MACROD2: variants seen among roughly 807,000 people sequenced by gnomAD.
MACROD2 encodes mono-ADP ribosylhydrolase 2, also known as ADP-ribose glycohydrolase MACROD2.
Under a neutral mutation model 70.4 loss-of-function variants are expected in MACROD2, and 36 were observed. The observed-to-expected ratio is 0.51, with a 90% CI of 0.39 to 0.68. The LOEUF (loss-of-function observed/expected upper bound fraction) is 0.68, where lower values mean the gene tolerates loss of function less well. Ranked by LOEUF, MACROD2 falls within the 30% of genes least tolerant of loss-of-function variation. MACROD2 has a pLI of 0.00. For synonymous variants in MACROD2, 172 were observed against 178.8 expected, an observed-to-expected ratio of 0.96 and a Z score of 0.30; for missense variants, 496 against 538.4, an observed-to-expected ratio of 0.92 and a Z score of 0.78.
intron 5 of MACROD2, among the ~76,000 whole-genome samples, chr20:14,932,467 C>G (rs964723615): frequency 6.6e-6 from 1 of 152,166 alleles, no homozygotes; most frequent in East Asian, 1.9e-4. Flanking sequence ...AGTTATCCAT[C>G]TTTCTTCTTT....
intron 6 of MACROD2, among the ~76,000 whole-genome samples, chr20:15,238,393 C>T (rs1166948731): frequency 6.6e-6 from 1 of 151,988 alleles, no homozygotes; most frequent in Non-Finnish European, 1.5e-5. Context: ...TTCAAGATCT[C>T]ATAATCCTAA....
At chr20:14,541,498 C>T (rs1358319729) in intron 4 of MACROD2, among the ~76,000 whole-genome samples, 3 of 152,092 alleles carry the variant, frequency 2.0e-5, no homozygotes, top group Non-Finnish European at 2.9e-5. Flanking sequence ...TATTTTCTAT[C>T]TTCCCTGAAC....
chr20:15,546,873 C>T (rs530998168), intron 8 of MACROD2, among the ~76,000 whole-genome samples: 1 of 152,326 alleles, frequency 6.6e-6, no homozygotes, highest in South Asian at 2.1e-4. Flanking sequence ...GGGTGCATGT[C>T]AAGCAGTGAA....
chr20:14,831,780 C>CA (rs71190151), intron 5 of MACROD2, among the ~76,000 whole-genome samples: 16,634 of 37,176 alleles, frequency 0.45, 7,063 homozygotes, highest in Non-Finnish European at 0.58. Context: ...AACTCCGTCT[C>CA]AAAAAAAAAA....
intron 7 of MACROD2, among the ~76,000 whole-genome samples, chr20:15,460,317 C>G (rs187980878): frequency 6.6e-6 from 1 of 152,264 alleles, no homozygotes; most frequent in East Asian, 1.9e-4. Flanking sequence ...ACATCCTTCA[C>G]CCTGGCAGTG....
intron 4 of MACROD2, among the ~76,000 whole-genome samples, chr20:14,515,153 C>T (rs1288444864): frequency 6.6e-6 from 1 of 152,014 alleles, no homozygotes; most frequent in African/African-American, 2.4e-5. Context: ...AAAAGAAAGT[C>T]ACTGTGTTAT....
At chr20:14,693,576 C>T (rs1380449482) in intron 5 of MACROD2, among the ~76,000 whole-genome samples, 1 of 152,150 alleles carries the variant, frequency 6.6e-6, no homozygotes, top group Non-Finnish European at 1.5e-5. Flanking sequence ...TTAACTCTCC[C>T]TGTAATTAAT....
intron 8 of MACROD2, among the ~76,000 whole-genome samples, chr20:15,600,254 G>T (rs974006122): frequency 6.6e-6 from 1 of 151,714 alleles, no homozygotes. Flanking sequence ...ATTCTCACTG[G>T]TTTCAGCACT....
At chr20:15,649,183 T>A (rs1482160660) in intron 8 of MACROD2, among the ~76,000 whole-genome samples, 1 of 143,242 alleles carries the variant, frequency 7.0e-6, no homozygotes, top group African/African-American at 2.6e-5. Context: ...TCTTTCTCCT[T>A]CTTTTTCCTT....
At chr20:15,995,219 T>C (rs1241150575) in intron 15 of MACROD2, among the ~76,000 whole-genome samples, 1 of 152,074 alleles carries the variant, frequency 6.6e-6, no homozygotes, top group Non-Finnish European at 1.5e-5. Flanking sequence ...TTAATGCACA[T>C]GTAATATGTG....
At chr20:15,421,007 T>TATAA (rs2146340160) in intron 6 of MACROD2, among the ~76,000 whole-genome samples, 1 of 152,194 alleles carries the variant, frequency 6.6e-6, no homozygotes, top group African/African-American at 2.4e-5. Context: ...AAAAGTTTAA[T>TATAA]AGTTTCAGTT....
chr20:14,963,050 C>A (rs2074599080), intron 5 of MACROD2, among the ~76,000 whole-genome samples: 1 of 152,130 alleles, frequency 6.6e-6, no homozygotes, highest in Admixed American at 6.6e-5. Context: ...ACTATTATGT[C>A]TTAGCTAGTG....
rs147015454 is a variant in MACROD2 at position 14,322,332 on chromosome 20, G to T, written c.272-171147G>T. Among the ~76,000 whole-genome samples the T allele has an allele frequency of 8.4e-4, 126 of 149,600 alleles. 1 individual carries two copies. The highest frequency in any genetic ancestry group is 3.0e-3 in the African/African-American group (125 of 40,986). On this transcript the variant is annotated intron_variant, in intron 3 of 17. Transcript: ENST00000684519. ...TTTATTCCAGGCAACATAATCAAAA[G>T]GTGTATTTTAGAACATACACAAACT...
intron 5 of MACROD2, among the ~76,000 whole-genome samples, chr20:14,739,449 G>A (rs1336454326): frequency 1.3e-5 from 2 of 151,860 alleles, no homozygotes; most frequent in Non-Finnish European, 2.9e-5. Context: ...TACCTGTGGG[G>A]TAGATGAGGT....
At position 14,843,685 on chromosome 20, in the gene MACROD2, C is replaced by T. The variant is rs1245863459; in HGVS notation, c.418+158726C>T. On this transcript the variant is annotated intron_variant, in intron 5 of 17. Coordinates refer to ENST00000684519, the MANE Select transcript of MACROD2 (RefSeq NM_001351661.2). ...TTTACCTCCTTTCTTTTTGACTTTT[C>T]TTTCTGAGAACTTTTGTTTTCTTGG... 2.6e-5 allele frequency among the ~76,000 whole-genome samples: 4 copies of T among 152,002 alleles called. 1 individual carries two copies. Among genetic ancestry groups the T allele is most frequent in the Non-Finnish European group, 5.9e-5 (4 of 67,970 alleles).
In MACROD2 at chr20:15,998,746, AG is replaced by A. The variant is rs2066667972; in HGVS notation, c.1153+11589del. On this transcript the variant is annotated intron_variant, in intron 15 of 17. Coordinates refer to ENST00000684519, the MANE Select transcript of MACROD2 (RefSeq NM_001351661.2). Reference sequence around the variant, plus strand: ...AGCCTGGCTAATTTTTTGTATTTTTAGTACAGATAGGGTTTCACCGTGTTAG... The same window carrying A: ...AGCCTGGCTAATTTTTTGTATTTTTATACAGATAGGGTTTCACCGTGTTAG... Among the ~76,000 whole-genome samples, 3 of 151,002 alleles carry A rather than the reference AG, an allele frequency of 2.0e-5. No homozygotes were observed. The South Asian group carries it at 6.3e-4, about 32-fold the overall frequency.
intron 4 of MACROD2, among the ~76,000 whole-genome samples, chr20:14,680,710 C>T (rs925070901): frequency 1.3e-5 from 2 of 151,794 alleles, no homozygotes; most frequent in Non-Finnish European, 2.9e-5. Context: ...TCAATACAGA[C>T]AGACCCATAG....
intron 4 of MACROD2, among the ~76,000 whole-genome samples, chr20:14,582,707 T>A (rs531535966): frequency 1.3e-5 from 2 of 152,180 alleles, no homozygotes; most frequent in Admixed American, 1.3e-4. Flanking sequence ...AGAAAATAAA[T>A]ACAGTTAAAC....
Position 15,223,414 on chromosome 20 carries a change from T to C in MACROD2, c.419-6526T>C, listed in dbSNP as rs561432418. ...TATGATGCTAATTCTGTGACAGCCA[T>C]GTCTGCCCTTTCCTCTGTCCACAGG... On this transcript the variant is annotated intron_variant, in intron 5 of 17. Coordinates refer to ENST00000684519, the MANE Select transcript of MACROD2 (RefSeq NM_001351661.2). 7.9e-4 allele frequency among the ~76,000 whole-genome samples: 120 copies of C among 152,328 alleles called. 1 individual carries two copies. Among genetic ancestry groups the C allele is most frequent in the African/African-American group, 2.7e-3 (112 of 41,578 alleles).
Sources: gnomAD v4.1 joint callset for allele counts (sites outside exome capture counted in the v4.1 genomes callset) on GRCh38, gnomAD v4.1.1 for gene constraint, MANE v1.5 for transcripts, NCBI Gene and HGNC (gene_info 2026-07-23, HGNC 2026-07-21) for gene names.